The following THADA variants were observed in gnomAD, a reference collection of about 807,000 sequenced individuals.
THADA encodes the protein tRNA (32-2'-O)-methyltransferase regulator THADA.
Under a neutral mutation model 219.8 loss-of-function variants are expected in THADA, and 213 were observed. That is an observed-to-expected ratio of 0.97 (90% CI 0.87 to 1.09). THADA has a LOEUF of 1.09. Ranked by LOEUF, THADA falls within the 50% of genes least tolerant of loss-of-function variation. THADA has a pLI of 0.00. For synonymous variants in THADA, 1,018 were observed against 828.9 expected (o/e 1.23, Z -3.92); for missense variants, 2,956 against 2,311.3 (o/e 1.28, Z -5.72).
intron 21 of THADA, among the ~76,000 whole-genome samples, chr2:43,530,218 T>G (rs952008315): frequency 6.6e-6 from 1 of 152,204 alleles, no homozygotes. Context: ...TTAGTTTTCC[T>G]GTAAAGATCT....
At chr2:43,539,662 T>C (rs950365630) in intron 21 of THADA, among the ~76,000 whole-genome samples, 2 of 152,202 alleles carry the variant, frequency 1.3e-5, no homozygotes, top group Admixed American at 1.3e-4. Context: ...ACCATGTGAA[T>C]GGCAACATAG....
intron 36 of THADA, among the ~76,000 whole-genome samples, chr2:43,241,759 G>C (rs917833378): frequency 6.6e-6 from 1 of 152,006 alleles, no homozygotes; most frequent in Non-Finnish European, 1.5e-5. Context: ...GCCTGGGACC[G>C]CCCTACTGCC....
intron 36 of THADA, among the ~76,000 whole-genome samples, chr2:43,246,656 T>A (rs575858358): frequency 7.4e-4 from 112 of 152,322 alleles, no homozygotes; most frequent in African/African-American, 2.6e-3. Context: ...ACTTTTAAAC[T>A]CACAACATGA....
intron 22 of THADA, among the ~76,000 whole-genome samples, chr2:43,514,695 A>ATATAT (rs1420484040): frequency 1.5e-4 from 11 of 74,236 alleles, no homozygotes; most frequent in African/African-American, 3.3e-4. Context: ...TATATATAAT[A>ATATAT]TATATAATAT....
At position 43,287,040 on chromosome 2, in the gene THADA, C is replaced by T. The variant is rs779728801; in HGVS notation, c.5032G>A (p.Glu1678Lys). ...CVENRELIAAELKQWVQLVIL... is the reference protein window; with the variant it reads ...CVENRELIAAKLKQWVQLVIL... ...ACCAGCTGAACCCACTGCTTCAGCT[C>T]AGCAGCTATCAATTCCCTGTTCTAA... Residue 1678 changes from glutamate to lysine, a missense_variant, in exon 35 of 38, where the codon GAG becomes AAG. Transcript: ENST00000405975. The T allele has an allele frequency of 6.2e-6, 10 of 1,613,334 alleles. No homozygotes were observed. The highest frequency in any genetic ancestry group is 8.5e-6 in the Non-Finnish European group (10 of 1,179,470).
At chr2:43,330,066 A>T (rs533322879) in intron 30 of THADA, among the ~76,000 whole-genome samples, 122 of 152,320 alleles carry the variant, frequency 8.0e-4, no homozygotes, top group African/African-American at 2.8e-3. Flanking sequence ...CTTGCTGGGC[A>T]GTAGTCCAGC....
intron 26 of THADA, among the ~76,000 whole-genome samples, chr2:43,459,843 C>T (rs574827882): frequency 1.4e-4 from 22 of 152,086 alleles, no homozygotes; most frequent in Non-Finnish European, 3.1e-4. Context: ...ACTGAGTTTG[C>T]CTACTTTTTA....
At chr2:43,587,269 C>G (rs1052351555) in intron 4 of THADA, among the ~76,000 whole-genome samples, 1 of 152,190 alleles carries the variant, frequency 6.6e-6, no homozygotes, top group African/African-American at 2.4e-5. Flanking sequence ...TGTCACTTCT[C>G]TTACTAAAAC....
chr2:43,570,216 G>A (rs1699139748), intron 14 of THADA, among the ~76,000 whole-genome samples, 172 bp downstream of exon 14: 1 of 152,036 alleles, frequency 6.6e-6, no homozygotes, highest in Non-Finnish European at 1.5e-5. Context: ...CCATAACCCA[G>A]GCTACATCAA....
intron 26 of THADA, among the ~76,000 whole-genome samples, chr2:43,448,560 C>CTTTTTT (rs71410179): frequency 6.5e-4 from 67 of 103,306 alleles, no homozygotes; most frequent in East Asian, 1.2e-3. Flanking sequence ...TTCTTCCTTT[C>CTTTTTT]TTTTTTTTTT....
chr2:43,342,887 T>C (rs184535231), intron 30 of THADA: 95 of 152,274 alleles, frequency 6.2e-4, no homozygotes, highest in African/African-American at 2.2e-3. Context: ...ATTACTTGAC[T>C]TGCCACAGAA....
intron 25 of THADA, among the ~76,000 whole-genome samples, 165 bp downstream of exon 25, chr2:43,498,668 C>T (rs1021716963): frequency 2.0e-5 from 3 of 151,392 alleles, no homozygotes; most frequent in Non-Finnish European, 2.9e-5. Flanking sequence ...GAAAATGGAA[C>T]CATGAAATAT....
chr2:43,473,887 G>GAGAAAACC (rs1307577750), intron 26 of THADA, among the ~76,000 whole-genome samples: 8 of 152,178 alleles, frequency 5.3e-5, no homozygotes, highest in Non-Finnish European at 8.8e-5. Context: ...GGGATTACGG[G>GAGAAAACC]TGTGAGCCAC....
chr2:43,292,289 C>T (rs1428854560), intron 32 of THADA, 67 bp from the exon 33 acceptor site: 28 of 1,010,756 alleles, frequency 2.8e-5, no homozygotes, highest in East Asian at 5.4e-5. Context: ...CTAGATGTTA[C>T]ATGATAATCA....
intron 31 of THADA, among the ~76,000 whole-genome samples, chr2:43,300,807 G>A (rs1250438908): frequency 1.3e-5 from 2 of 151,254 alleles, no homozygotes; most frequent in African/African-American, 4.9e-5. Flanking sequence ...AAAATATTCT[G>A]TTTGTGCAGC....
In THADA at chr2:43,231,280, C is replaced by A; in HGVS notation, c.5530G>T (p.Val1844Leu). The A allele has an allele frequency of 6.2e-7, 1 of 1,604,808 alleles. No individual in the cohort carries two copies. The highest frequency in any genetic ancestry group is 8.5e-7 in the Non-Finnish European group (1 of 1,176,630). Reference protein sequence around the residue: ...VNFWAETLIFVKYLCKHLFCL... With the variant: ...VNFWAETLIFLKYLCKHLFCL... ...AAGAGGTGCTTGCAGAGGTATTTCA[C>A]AAAGATCAGGGTCTCGGCCCAAAAG... The change falls in exon 38 of 38, where the codon GTG becomes TTG. Residue 1844 changes from valine to leucine, a missense_variant. Val to Leu is a conservative substitution (Grantham distance 32). Transcript: ENST00000405975.
chr2:43,438,184 C>T (rs1277874663), intron 26 of THADA, among the ~76,000 whole-genome samples: 1 of 151,688 alleles, frequency 6.6e-6, no homozygotes, highest in Non-Finnish European at 1.5e-5. Flanking sequence ...CGCCTGTAGT[C>T]CCAGCTACTC....
intron 19 of THADA, among the ~76,000 whole-genome samples, chr2:43,550,108 G>C (rs1439047215): frequency 2.6e-5 from 4 of 152,172 alleles, no homozygotes; most frequent in Non-Finnish European, 4.4e-5. Context: ...TGAGTGACGA[G>C]TGCCTATAAC....
At chr2:43,458,534 G>C (rs1223813456) in intron 26 of THADA, among the ~76,000 whole-genome samples, 1 of 152,128 alleles carries the variant, frequency 6.6e-6, no homozygotes, top group Non-Finnish European at 1.5e-5. Context: ...CAAGTACTTT[G>C]AAATCACCAA....
Sources: gnomAD v4.1 joint callset for allele counts (sites outside exome capture counted in the v4.1 genomes callset) on GRCh38, gnomAD v4.1.1 for gene constraint, MANE v1.5 for transcripts, NCBI Gene and HGNC (gene_info 2026-07-23, HGNC 2026-07-21) for gene names.